The following LAMA2 variants were observed in gnomAD, a reference collection of about 807,000 sequenced individuals.
LAMA2 encodes the protein laminin subunit alpha 2.
LAMA2 carries 269 observed loss-of-function variants against 364.8 expected under a neutral mutation model. That is an observed-to-expected ratio of 0.74 (90% CI 0.67 to 0.82). The LOEUF is 0.82. LAMA2 is among the 40% of genes least tolerant of loss of function. The pLI, the probability that LAMA2 is intolerant of heterozygous loss-of-function variation, is 0.00. For missense variants in LAMA2, 3,807 were observed against 3,873.2 expected (o/e 0.98, Z 0.45); for synonymous variants, 1,379 against 1,370.6 (o/e 1.01, Z -0.14).
chr6:129,204,636 T>G (rs1782504681), intron 12 of LAMA2, among the ~76,000 whole-genome samples: 1 of 152,224 alleles, frequency 6.6e-6, no homozygotes, highest in Non-Finnish European at 1.5e-5. Flanking sequence ...GATTTCAGAC[T>G]TGTAGCCTCT....
intron 1 of LAMA2, among the ~76,000 whole-genome samples, chr6:128,944,312 A>G (rs1447817540): frequency 6.6e-6 from 1 of 152,180 alleles, no homozygotes; most frequent in Non-Finnish European, 1.5e-5. Flanking sequence ...TGTTCACCCC[A>G]AAGTTTGCAA....
intron 12 of LAMA2, among the ~76,000 whole-genome samples, chr6:129,209,975 G>A (rs535331337): frequency 7.3e-6 from 1 of 136,380 alleles, no homozygotes; most frequent in South Asian, 2.4e-4. Flanking sequence ...CTGCACTCCA[G>A]CCCGGGCGAC....
At position 128,940,245 on chromosome 6, in the gene LAMA2, G is replaced by C. The variant is rs568669825; in HGVS notation, c.112+56888G>C. On this transcript the variant is annotated intron_variant, in intron 1 of 64. Transcript: ENST00000421865. ...TGCAAGTCAAATATTACTTCCTTAG[G>C]GGAATCTCATCAGACTGTCTCCCTA... is the stretch of plus-strand genomic sequence containing the variant. Among the ~76,000 whole-genome samples, 87 of 151,854 alleles carry C rather than the reference G, an allele frequency of 5.7e-4. No individual in the cohort carries two copies. The South Asian group carries it at 0.011, about 20-fold the overall frequency.
chr6:129,249,080 A>G (rs1355484033), intron 12 of LAMA2, among the ~76,000 whole-genome samples: 2 of 152,168 alleles, frequency 1.3e-5, no homozygotes, highest in Non-Finnish European at 2.9e-5. Context: ...GCTATGTGCC[A>G]TTCTCTGTGG....
chr6:129,408,504 C>T (rs939746305), intron 40 of LAMA2, among the ~76,000 whole-genome samples: 2 of 152,098 alleles, frequency 1.3e-5, no homozygotes, highest in Admixed American at 6.5e-5. Context: ...TGGGAGTTCA[C>T]GGATGGTACT....
At chr6:129,396,982 A>C (rs2437082) in intron 37 of LAMA2, among the ~76,000 whole-genome samples, 2 of 12,168 alleles carry the variant, frequency 1.6e-4, no homozygotes, top group East Asian at 8.7e-4. Flanking sequence ...ACAGTGAGAC[A>C]GTGTCTCAAA....
At chr6:129,076,716 C>G (rs1396891657) in intron 3 of LAMA2, among the ~76,000 whole-genome samples, 1 of 151,596 alleles carries the variant, frequency 6.6e-6, no homozygotes, top group Non-Finnish European at 1.5e-5. Context: ...ATAATAACAT[C>G]TTTTACTTAC....
At chr6:129,422,361 C>T (rs1416815741) in intron 40 of LAMA2, among the ~76,000 whole-genome samples, 5 of 151,982 alleles carry the variant, frequency 3.3e-5, no homozygotes, top group South Asian at 2.1e-4. Flanking sequence ...ATTAGCAACA[C>T]GGAGGTCTGT....
intron 17 of LAMA2, 106 bp from the exon 18 acceptor site, chr6:129,279,955 A>G (rs1419502305): frequency 1.3e-6 from 1 of 779,888 alleles, no homozygotes; most frequent in Non-Finnish European, 2.3e-6. Flanking sequence ...ACCAGCCTGT[A>G]CTCTTTTGTC....
At chr6:129,285,358 A>G (rs1050416370) in intron 18 of LAMA2, among the ~76,000 whole-genome samples, 4 of 152,136 alleles carry the variant, frequency 2.6e-5, no homozygotes. Flanking sequence ...AATTTTCCTT[A>G]CACGTCCTGC....
intron 45 of LAMA2, 48 bp downstream of exon 45, chr6:129,445,869 A>G: frequency 1.3e-6 from 2 of 1,534,338 alleles, no homozygotes; most frequent in Non-Finnish European, 1.8e-6. Context: ...TAATTGTTGG[A>G]TTATTCATAG....
intron 9 of LAMA2, among the ~76,000 whole-genome samples, chr6:129,176,034 AT>A (rs1285523697): frequency 1.3e-5 from 2 of 151,614 alleles, no homozygotes; most frequent in African/African-American, 4.8e-5. Flanking sequence ...TAATTTATCT[AT>A]TTTTAAAATA....
chr6:129,236,869 TTTC>T (rs550518598), intron 12 of LAMA2, among the ~76,000 whole-genome samples: 189 of 152,278 alleles, frequency 1.2e-3, no homozygotes, highest in African/African-American at 4.2e-3. Context: ...TATTGGATAG[TTTC>T]TTCATTATAT....
chr6:129,046,427 G>A (rs981186487), intron 1 of LAMA2, among the ~76,000 whole-genome samples: 1 of 152,220 alleles, frequency 6.6e-6, no homozygotes. Flanking sequence ...TGGCAGGCAA[G>A]AGAGCATGTG....
chr6:128,982,602 ATTATT>A (rs1017190091), intron 1 of LAMA2, among the ~76,000 whole-genome samples: 1 of 151,252 alleles, frequency 6.6e-6, no homozygotes, highest in Non-Finnish European at 1.5e-5. Context: ...TTGTTTTATT[ATTATT>A]TTATTTTATT....
At chr6:129,025,140 T>G (rs544081928) in intron 1 of LAMA2, among the ~76,000 whole-genome samples, 1 of 152,310 alleles carries the variant, frequency 6.6e-6, no homozygotes, top group Non-Finnish European at 1.5e-5. Flanking sequence ...GAGTCTAATT[T>G]AGTTTGAATC....
rs553476100 is a variant in LAMA2, at chr6:129,507,118, A to G, written c.8704-371A>G. 1.8e-4 allele frequency among the ~76,000 whole-genome samples: 27 copies of G among 151,948 alleles called. No homozygotes were observed. In the South Asian group the frequency reaches 5.6e-3, roughly 32 times the overall value. On this transcript the variant is annotated intron_variant, in intron 61 of 64. Coordinates refer to ENST00000421865, the MANE Select transcript of LAMA2 (RefSeq NM_000426.4). The stretch of plus-strand genomic sequence containing the variant: ...ACATAGGCTATGACAAAATGGGTAT[A>G]TAGTAAGGTTAATAAACTATTAATA...
chr6:129,340,830 CAAAAAAA>C (rs34264921), intron 29 of LAMA2, among the ~76,000 whole-genome samples: 2 of 59,592 alleles, frequency 3.4e-5, no homozygotes, highest in African/African-American at 5.5e-5. Context: ...AGCTCTGTCT[CAAAAAAA>C]AAAAAAAAAA....
chr6:129,357,093 A>G (rs1386310842), intron 32 of LAMA2, among the ~76,000 whole-genome samples: 2 of 152,084 alleles, frequency 1.3e-5, no homozygotes, highest in Non-Finnish European at 2.9e-5. Flanking sequence ...TCCTCTTTCA[A>G]CTGTCATTCA....
Sources: allele counts gnomAD v4.1 joint callset (sites outside exome capture counted in the v4.1 genomes callset), GRCh38; gene constraint gnomAD v4.1.1; transcripts MANE v1.5; gene names NCBI Gene and HGNC (gene_info 2026-07-23, HGNC 2026-07-21).